Variants in SLC36A1 observed in about 807,000 individuals in gnomAD.
SLC36A1 encodes proton-coupled amino acid transporter 1.
Under a neutral mutation model 47.5 loss-of-function variants are expected in SLC36A1, and 30 were observed. The observed-to-expected ratio is 0.63, with a 90% CI of 0.47 to 0.86. The LOEUF (loss-of-function observed/expected upper bound fraction) is 0.86. Ranked by LOEUF, SLC36A1 falls within the 40% of genes least tolerant of loss-of-function variation. The pLI is 0.00. For missense variants in SLC36A1, 517 were observed against 606.0 expected (o/e 0.85, Z 1.54); for synonymous variants, 255 against 249.7 (o/e 1.02, Z -0.20).
At chr5:151,443,452 A>G (rs1456141502), upstream of SLC36A1, among the ~76,000 whole-genome samples, 1 of 152,060 alleles carries the variant, frequency 6.6e-6, no homozygotes, top group African/African-American at 2.4e-5. Flanking sequence ...ATGCTCACTG[A>G]GCATTTTTAT....
chr5:151,550,558 C>A, the SLC36A1 span: 10 of 1,610,688 alleles, frequency 6.2e-6, no homozygotes, highest in Admixed American at 1.7e-5. Flanking sequence ...TACATGCAAA[C>A]GTATTCTCAC....
chr5:151,402,966 C>A, the SLC36A1 span, among the ~76,000 whole-genome samples: 1 of 152,222 alleles, frequency 6.6e-6, no homozygotes, highest in African/African-American at 2.4e-5. Flanking sequence ...CTTTTGGCTT[C>A]ATTGATCCTT....
chr5:151,540,162 T>C, the SLC36A1 span, among the ~76,000 whole-genome samples: 2 of 152,238 alleles, frequency 1.3e-5, no homozygotes, highest in African/African-American at 2.4e-5. Context: ...TAGACCTTTG[T>C]TGGGAATGTA....
chr5:151,522,139 G>A, the SLC36A1 span: 7 of 1,396,602 alleles, frequency 5.0e-6, no homozygotes, highest in Admixed American at 6.9e-5. Context: ...GTGCTCTTGC[G>A]CCCGACTGAG....
the SLC36A1 span, among the ~76,000 whole-genome samples, chr5:151,358,983 A>T: frequency 2.4e-5 from 2 of 82,796 alleles, no homozygotes; most frequent in African/African-American, 8.6e-5. Context: ...TCCGTCTCAA[A>T]AAAAAAAAAA....
upstream of SLC36A1, among the ~76,000 whole-genome samples, chr5:151,446,719 G>A (rs1037478531): frequency 2.0e-5 from 3 of 152,178 alleles, no homozygotes; most frequent in Non-Finnish European, 2.9e-5. Context: ...TTTCAAGTGT[G>A]TTAGAGAAAA....
At chr5:151,374,733 A>G in the SLC36A1 span, among the ~76,000 whole-genome samples, 1 of 152,156 alleles carries the variant, frequency 6.6e-6, no homozygotes, top group East Asian at 1.9e-4. Context: ...CTCCTTGCCA[A>G]CATCTGTTAT....
At chr5:151,512,220 G>A in the SLC36A1 span, 1 of 1,614,224 alleles carries the variant, frequency 6.2e-7, no homozygotes, top group Non-Finnish European at 8.5e-7. This position sits in a 1 kb window ranked among gnomAD's most constrained non-coding sequence, Gnocchi z 4.1. Context: ...TCTGGCTGCA[G>A]TAGTCACTGT....
chr5:151,423,879 G>T, the SLC36A1 span, among the ~76,000 whole-genome samples: 1 of 152,300 alleles, frequency 6.6e-6, no homozygotes, highest in East Asian at 1.9e-4. Flanking sequence ...GGCAGTGAGT[G>T]TGTGTAGGGA....
the SLC36A1 span, among the ~76,000 whole-genome samples, chr5:151,535,953 C>A: frequency 1.9e-3 from 293 of 152,134 alleles, 1 homozygote; most frequent in African/African-American, 6.9e-3. Context: ...AGAGGTTTTT[C>A]CGAAACACCA....
chr5:151,380,536 G>A, the SLC36A1 span: 762 of 525,548 alleles, frequency 1.4e-3, 1 homozygote, highest in Admixed American at 4.1e-3. Context: ...AAGACAGTGG[G>A]TGATCCTAGA....
chr5:151,551,411 C>T, the SLC36A1 span: 4 of 1,588,632 alleles, frequency 2.5e-6, no homozygotes, highest in East Asian at 9.0e-5. Flanking sequence ...CTCATCCCAA[C>T]CAAGAAGGCC....
At chr5:151,462,312 A>G (rs1367552126) in intron 2 of SLC36A1, among the ~76,000 whole-genome samples, 3 of 152,156 alleles carry the variant, frequency 2.0e-5, no homozygotes, top group Non-Finnish European at 4.4e-5. Flanking sequence ...GTATGATGTT[A>G]GGAATTCTGC....
At chr5:151,382,450 A>C in the SLC36A1 span, 4 of 575,186 alleles carry the variant, frequency 7.0e-6, no homozygotes, top group African/African-American at 7.6e-5. Context: ...GTCTTCTAGC[A>C]TAGAAGCAAG....
the SLC36A1 span, among the ~76,000 whole-genome samples, chr5:151,388,643 G>A: frequency 0.49 from 75,065 of 151,656 alleles, 20,582 homozygotes; most frequent in African/African-American, 0.75. Flanking sequence ...ACCGTCACTA[G>A]TATTTGGCTC....
the SLC36A1 span, among the ~76,000 whole-genome samples, chr5:151,428,212 C>T: frequency 6.6e-6 from 1 of 152,144 alleles, no homozygotes; most frequent in African/African-American, 2.4e-5. Context: ...TATTTTTCTG[C>T]CTCAAGTAGT....
At chr5:151,509,697 G>A in the SLC36A1 span, 657 of 239,196 alleles carry the variant, frequency 2.7e-3, 4 homozygotes, top group African/African-American at 8.1e-3. Flanking sequence ...CTGATTCTAC[G>A]TTATGGTGAG....
the SLC36A1 span, chr5:151,509,703 G>A: frequency 4.1e-6 from 1 of 244,546 alleles, no homozygotes; most frequent in Non-Finnish European, 8.0e-6. Flanking sequence ...CTACGTTATG[G>A]TGAGTTGTAT....
At chr5:151,400,512 G>T in the SLC36A1 span, among the ~76,000 whole-genome samples, 1 of 152,008 alleles carries the variant, frequency 6.6e-6, no homozygotes, top group Non-Finnish European at 1.5e-5. Context: ...TTTTCCTCTG[G>T]TATATACCCA....
Sources: allele counts gnomAD v4.1 joint callset (sites outside exome capture counted in the v4.1 genomes callset), GRCh38; gene constraint gnomAD v4.1.1; non-coding constraint Gnocchi (gnomAD v3.1); transcripts MANE v1.5; gene names NCBI Gene and HGNC (gene_info 2026-07-23, HGNC 2026-07-21).